Variants in RTL4 observed in about 807,000 individuals in gnomAD.
RTL4 encodes the protein retrotransposon Gag-like protein 4.
A neutral mutation model predicts 5.3 loss-of-function variants in RTL4; 4 were observed. The observed-to-expected ratio is 0.75, with a 90% CI of 0.37 to 1.72. The LOEUF (loss-of-function observed/expected upper bound fraction) is 1.72, where lower values mean the gene tolerates loss of function less well. Ranked by LOEUF, RTL4 falls within the 40% of genes most tolerant of loss-of-function variation. The pLI, the probability that RTL4 is intolerant of heterozygous loss-of-function variation, is 0.04. For synonymous variants in RTL4, 98 were observed against 87.3 expected, an observed-to-expected ratio of 1.12 and a Z score of -0.68; for missense variants, 260 against 227.1, an observed-to-expected ratio of 1.14 and a Z score of -0.93.
chrX:112,316,185 C>T, the RTL4 span, among the ~76,000 whole-genome samples: 7 of 112,135 alleles, frequency 6.2e-5, no homozygotes, highest in African/African-American at 2.3e-4. Context: ...TTGCATATCT[C>T]TGATTATGAA....
the RTL4 span, among the ~76,000 whole-genome samples, chrX:112,125,063 G>C: frequency 6.6e-5 from 7 of 106,711 alleles, no homozygotes; most frequent in Admixed American, 4.0e-4. Context: ...ACCACACCTG[G>C]CTAATTTTTT....
At chrX:112,095,968 G>A in the RTL4 span, among the ~76,000 whole-genome samples, 117 of 111,659 alleles carry the variant, frequency 1.0e-3, 1 homozygote, top group Non-Finnish European at 1.9e-3. Flanking sequence ...GTGAGAAAGT[G>A]ACAGAGATAT....
At chrX:112,141,807 T>C in the RTL4 span, among the ~76,000 whole-genome samples, 1 of 112,045 alleles carries the variant, frequency 8.9e-6, no homozygotes, top group Non-Finnish European at 1.9e-5. Flanking sequence ...AGTGACACAT[T>C]TGTTTAATTT....
chrX:112,245,065 C>T, the RTL4 span, among the ~76,000 whole-genome samples: 43 of 112,386 alleles, frequency 3.8e-4, no homozygotes, highest in Non-Finnish European at 4.3e-4. Flanking sequence ...AAGAGATCCA[C>T]TGTTAGTCTG....
chrX:112,309,032 G>A, the RTL4 span, among the ~76,000 whole-genome samples: 5 of 111,716 alleles, frequency 4.5e-5, no homozygotes, highest in Admixed American at 3.8e-4. Flanking sequence ...AAGATTTGAG[G>A]AAAGGGAAGT....
At chrX:112,260,479 A>C in the RTL4 span, among the ~76,000 whole-genome samples, 1 of 111,991 alleles carries the variant, frequency 8.9e-6, no homozygotes, top group Non-Finnish European at 1.9e-5. Flanking sequence ...TGTCTAGAGC[A>C]GGTATTACAT....
chrX:112,089,862 T>G, the RTL4 span, among the ~76,000 whole-genome samples: 1 of 111,608 alleles, frequency 9.0e-6, no homozygotes, highest in African/African-American at 3.2e-5. Context: ...CAATGTTGTA[T>G]TCTAATCCAT....
the RTL4 span, among the ~76,000 whole-genome samples, chrX:112,419,641 GACTC>G: frequency 7.0e-5 from 1 of 14,385 alleles, no homozygotes; most frequent in Non-Finnish European, 3.1e-4. Flanking sequence ...ATGTAAATCT[GACTC>G]TAATTGGGTG....
the RTL4 span, among the ~76,000 whole-genome samples, chrX:112,261,191 C>T: frequency 6.3e-5 from 7 of 111,053 alleles, no homozygotes; most frequent in African/African-American, 2.0e-4. Context: ...GTTCTGACCA[C>T]GGAAATCAGG....
chrX:112,111,556 G>A, the RTL4 span, among the ~76,000 whole-genome samples: 4 of 112,757 alleles, frequency 3.5e-5, no homozygotes, highest in Non-Finnish European at 5.6e-5. Flanking sequence ...TTCTTTCCAT[G>A]TTGCAGCATG....
chrX:112,224,313 T>A, the RTL4 span, among the ~76,000 whole-genome samples: 1 of 93,647 alleles, frequency 1.1e-5, no homozygotes, highest in Non-Finnish European at 2.1e-5. Context: ...TACATTTATT[T>A]ATTTATTTAT....
the RTL4 span, among the ~76,000 whole-genome samples, chrX:112,389,372 G>T: frequency 9.6e-6 from 1 of 103,859 alleles, no homozygotes; most frequent in Non-Finnish European, 2.0e-5. Context: ...TTGATATTTT[G>T]AATGGTTTTT....
At chrX:112,331,013 G>C in the RTL4 span, among the ~76,000 whole-genome samples, 4 of 107,516 alleles carry the variant, frequency 3.7e-5, no homozygotes, top group Admixed American at 1.0e-4. Flanking sequence ...AATTCAAGAT[G>C]GATTAAAGAC....
chrX:112,091,594 G>A, the RTL4 span, among the ~76,000 whole-genome samples: 16 of 111,578 alleles, frequency 1.4e-4, no homozygotes, highest in East Asian at 3.6e-3. Context: ...CTTCATCATG[G>A]TCAGATAGGA....
At chrX:112,393,636 C>T in the RTL4 span, among the ~76,000 whole-genome samples, 1 of 111,948 alleles carries the variant, frequency 8.9e-6, no homozygotes, top group East Asian at 2.8e-4. Context: ...CGCTTCAGCC[C>T]TGGTTGGCTT....
At chrX:112,324,309 A>T in the RTL4 span, among the ~76,000 whole-genome samples, 1 of 111,948 alleles carries the variant, frequency 8.9e-6, no homozygotes, top group African/African-American at 3.2e-5. Flanking sequence ...GATTTTGTTG[A>T]TTATTTCCTT....
chrX:112,304,904 CA>C, the RTL4 span, among the ~76,000 whole-genome samples: 6,960 of 109,105 alleles, frequency 0.064, 561 homozygotes, highest in African/African-American at 0.22. Context: ...CATTCATTGG[CA>C]TGTTACTAAG....
At chrX:112,365,901 T>G in the RTL4 span, among the ~76,000 whole-genome samples, 1,059 of 111,557 alleles carry the variant, frequency 9.5e-3, 13 homozygotes, top group African/African-American at 0.033. Flanking sequence ...TTTAATCCCA[T>G]TCAATGCTTC....
the RTL4 span, among the ~76,000 whole-genome samples, chrX:112,371,208 T>C: frequency 9.0e-6 from 1 of 111,167 alleles, no homozygotes; most frequent in Non-Finnish European, 1.9e-5. Context: ...AGATTCTTAA[T>C]TTTCATTAGT....
Sources: gnomAD v4.1 joint callset for allele counts (sites outside exome capture counted in the v4.1 genomes callset) on GRCh38, gnomAD v4.1.1 for gene constraint, MANE v1.5 for transcripts, NCBI Gene and HGNC (gene_info 2026-07-23, HGNC 2026-07-21) for gene names.